The following PLCH1 variants were observed in gnomAD, a reference collection of about 807,000 sequenced individuals.
The protein encoded by PLCH1 is phospholipase C eta 1, also known as 1-phosphatidylinositol 4,5-bisphosphate phosphodiesterase eta-1.
In PLCH1, 60 loss-of-function variants were observed where a neutral mutation model predicts 126.7. That is an observed-to-expected ratio of 0.47 (90% CI 0.38 to 0.59). The LOEUF (loss-of-function observed/expected upper bound fraction) is 0.59, where lower values mean the gene tolerates loss of function less well. Among genes scored for constraint, PLCH1 ranks in the 20% least tolerant of loss-of-function variants. The pLI is 0.00. For synonymous variants in PLCH1, 719 were observed against 734.9 expected (o/e 0.98, Z 0.35); for missense variants, 1,723 against 2,040.0 (o/e 0.84, Z 2.99).
intron 2 of PLCH1, chr3:155,675,883 T>C (rs933764425): frequency 3.8e-5 from 24 of 630,580 alleles, no homozygotes; most frequent in Non-Finnish European, 6.2e-5. Context: ...AATAAATATG[T>C]TCTGAAGAAT....
At chr3:155,640,161 G>T (rs115460460) in intron 2 of PLCH1, among the ~76,000 whole-genome samples, 1,895 of 152,280 alleles carry the variant, frequency 0.012, 39 homozygotes, top group African/African-American at 0.043. Flanking sequence ...TGAGCTACAG[G>T]GTGGCCATTT....
At position 155,708,577 on chromosome 3, in the gene PLCH1, G is replaced by C. The variant is rs148061816; in HGVS notation, c.-40-4313C>G. 5.3e-3 allele frequency among the ~76,000 whole-genome samples: 802 copies of C among 152,244 alleles called. 3 individuals carry two copies. Among genetic ancestry groups the C allele is most frequent in the Non-Finnish European group, 8.4e-3 (574 of 68,024 alleles). ...TGGCCCCGTTTGTGTGAACACAGTA[G>C]GTAAAAACAACTACTGAAGTATACT... On this transcript the variant is annotated intron_variant, in intron 1 of 22. Coordinates refer to ENST00000460012, the MANE Select transcript of PLCH1 (RefSeq NM_014996.4).
intron 2 of PLCH1, among the ~76,000 whole-genome samples, chr3:155,611,549 T>C (rs6800331): frequency 0.51 from 77,645 of 152,020 alleles, 22,896 homozygotes; most frequent in African/African-American, 0.8. Context: ...AAGAAACTGA[T>C]GAACAACAAC....
intron 2 of PLCH1, among the ~76,000 whole-genome samples, chr3:155,611,678 T>C (rs1306648553): frequency 6.6e-6 from 1 of 152,152 alleles, no homozygotes; most frequent in African/African-American, 2.4e-5. Context: ...GAACAGATAT[T>C]TACAGAACAT....
At chr3:155,600,618 A>AAAAC (rs1553851865) in intron 2 of PLCH1, among the ~76,000 whole-genome samples, 1 of 151,152 alleles carries the variant, frequency 6.6e-6, no homozygotes, top group Non-Finnish European at 1.5e-5. Flanking sequence ...AAAAAAAAAA[A>AAAAC]AAGTTTATTT....
intron 10 of PLCH1, among the ~76,000 whole-genome samples, chr3:155,539,736 T>C (rs766458411): frequency 6.6e-6 from 1 of 152,058 alleles, no homozygotes; most frequent in Non-Finnish European, 1.5e-5. Flanking sequence ...AAAGAAATCA[T>C]AGATGACACA....
At chr3:155,468,902 G>A (rs576141417) in intron 21 of PLCH1, among the ~76,000 whole-genome samples, 22 of 152,132 alleles carry the variant, frequency 1.4e-4, no homozygotes, top group East Asian at 5.8e-4. Flanking sequence ...GACTTAATCC[G>A]CACTACAGAC....
intron 2 of PLCH1, among the ~76,000 whole-genome samples, chr3:155,641,316 G>C (rs1329019157): frequency 1.3e-5 from 2 of 151,526 alleles, no homozygotes; most frequent in African/African-American, 4.8e-5. Context: ...TGTCTTTATA[G>C]ATTTTTTTTT....
chr3:155,621,638 GATAAAGCAGAAGAAAGGAT>G (rs1736519897), intron 2 of PLCH1, among the ~76,000 whole-genome samples: 1 of 152,126 alleles, frequency 6.6e-6, no homozygotes, highest in African/African-American at 2.4e-5. Flanking sequence ...TAGCCGAATC[GATAAAGCAGAAGAAAGGAT>G]ATCAGAGATT....
intron 1 of PLCH1, among the ~76,000 whole-genome samples, chr3:155,706,103 G>A (rs978183296): frequency 1.4e-5 from 2 of 147,778 alleles, no homozygotes; most frequent in Non-Finnish European, 3.0e-5. Context: ...GAACCCAGGA[G>A]GCAGAGGTTG....
intron 21 of PLCH1, among the ~76,000 whole-genome samples, chr3:155,469,014 G>A (rs991609186): frequency 9.8e-5 from 15 of 152,304 alleles, no homozygotes; most frequent in East Asian, 3.9e-4. Context: ...CAGACCATAT[G>A]TTAGGTCACA....
chr3:155,575,552 A>G (rs1729826908), intron 6 of PLCH1, among the ~76,000 whole-genome samples: 1 of 152,244 alleles, frequency 6.6e-6, no homozygotes, highest in Admixed American at 6.5e-5. Flanking sequence ...TCCTCTTGGA[A>G]TTAACTATCC....
chr3:155,477,935 A>T (rs1576773323), downstream of PLCH1, among the ~76,000 whole-genome samples: 1 of 152,194 alleles, frequency 6.6e-6, no homozygotes, highest in East Asian at 1.9e-4. Context: ...TATCAAAGAG[A>T]TCTCTGCACT....
At chr3:155,544,435 T>A (rs568988148) in intron 10 of PLCH1, among the ~76,000 whole-genome samples, 22 of 152,126 alleles carry the variant, frequency 1.4e-4, no homozygotes, top group Middle Eastern at 3.2e-3. Flanking sequence ...CACATTAACA[T>A]TGGGAGACTT....
chr3:155,664,568 A>C (rs1222874193), intron 2 of PLCH1, among the ~76,000 whole-genome samples: 1 of 152,188 alleles, frequency 6.6e-6, no homozygotes, highest in Non-Finnish European at 1.5e-5. Flanking sequence ...AAATATGGCT[A>C]TGTTTGGGTT....
At chr3:155,513,969 C>T (rs901688044) in intron 12 of PLCH1, among the ~76,000 whole-genome samples, 1 of 152,098 alleles carries the variant, frequency 6.6e-6, no homozygotes, top group African/African-American at 2.4e-5. Context: ...TGGATATGGA[C>T]CAAGAAACAT....
Position 155,482,703 on chromosome 3 carries a change from A to G in PLCH1, c.3323T>C (p.Phe1108Ser). 1 of 1,614,142 alleles carries G rather than the reference A, an allele frequency of 6.2e-7. No individual in the cohort carries two copies. Among genetic ancestry groups the G allele is most frequent in the Non-Finnish European group, 8.5e-7 (1 of 1,180,028 alleles). The stretch of plus-strand genomic sequence containing the variant: ...TGACAAGATGCTTTTCCCTTCCACA[A>G]AGTCCTCAGGATTACCCTTTTCCTT... Reference protein sequence around the residue: ...KIKEKGNPEDFVEGKSILSGS... With the variant: ...KIKEKGNPEDSVEGKSILSGS... The change falls in exon 23 of 23, where the codon TTT (phenylalanine) becomes TCT (serine). Residue 1108 changes from phenylalanine (F) to serine (S), a missense_variant. Transcript: ENST00000460012.
intron 21 of PLCH1, chr3:155,486,268 C>T: frequency 1.9e-6 from 2 of 1,027,648 alleles, no homozygotes; most frequent in South Asian, 1.5e-5. Context: ...GAGGGTGTCA[C>T]AAGTAAACAC....
At chr3:155,708,722 C>CT (rs1204410063) in intron 1 of PLCH1, among the ~76,000 whole-genome samples, 1 of 152,004 alleles carries the variant, frequency 6.6e-6, no homozygotes, top group East Asian at 1.9e-4. Flanking sequence ...AATTGATCAC[C>CT]TTTTTTTTCT....
Sources: allele counts gnomAD v4.1 joint callset (sites outside exome capture counted in the v4.1 genomes callset), GRCh38; gene constraint gnomAD v4.1.1; transcripts MANE v1.5; gene names NCBI Gene and HGNC (gene_info 2026-07-23, HGNC 2026-07-21).